Variants in ZNF521 observed in about 807,000 individuals in gnomAD.
ZNF521 encodes the protein LYST-interacting protein 3.
A neutral mutation model predicts 105.5 loss-of-function variants in ZNF521; 14 were observed. That is an observed-to-expected ratio of 0.13 (90% CI 0.09 to 0.21). The LOEUF (loss-of-function observed/expected upper bound fraction) is 0.21. ZNF521 is among the 10% of genes least tolerant of loss of function. ZNF521 has a pLI of 1.00. For synonymous variants in ZNF521, 635 were observed against 606.0 expected (o/e 1.05, Z -0.70); for missense variants, 1,233 against 1,629.7 (o/e 0.76, Z 4.19).
intron 5 of ZNF521, among the ~76,000 whole-genome samples, chr18:25,099,335 G>T (rs2033918198): frequency 6.6e-6 from 1 of 152,124 alleles, no homozygotes; most frequent in Admixed American, 6.6e-5. Flanking sequence ...TAAACCCTGT[G>T]CATATAACAT....
rs1021240858 is a variant in ZNF521 at position 25,227,194 on chromosome 18, T to A, written c.724A>T (p.Met242Leu). The change falls in exon 4 of 8, where the codon ATG becomes TTG. Residue 242 changes from methionine (M) to leucine (L), a missense_variant. Met to Leu is a conservative substitution (Grantham distance 15). Around this residue, in one of 6 missense-constraint regions of ZNF521, gnomAD observed 380 missense variants for 478.0 expected, o/e 0.80. Coordinates refer to ENST00000361524, the MANE Select transcript of ZNF521 (RefSeq NM_015461.3). This position sits in a 1 kb window ranked among gnomAD's most constrained non-coding sequence, Gnocchi z 5.7. ...TGACTGCACTTCTGAGTGTCCTTCA[T>A]CTTCCAGTCCTCCATCCTGGAACCG... ...QSGSRMEDWK[M>L]KDTQKCSQCE... is the part of the protein sequence containing the mutation. 4 of 1,614,046 alleles carry A rather than the reference T, an allele frequency of 2.5e-6. No individual in the cohort carries two copies.
chr18:25,218,048 A>G (rs900735824), intron 4 of ZNF521, among the ~76,000 whole-genome samples: 2 of 152,184 alleles, frequency 1.3e-5, no homozygotes, highest in Admixed American at 1.3e-4. Flanking sequence ...AGTGCTTCCA[A>G]TTATAGAACA....
At chr18:25,242,856 A>G (rs1160530682) in intron 3 of ZNF521, among the ~76,000 whole-genome samples, 1 of 152,188 alleles carries the variant, frequency 6.6e-6, no homozygotes, top group Admixed American at 6.5e-5. Context: ...GGCTACAACT[A>G]AAAGGGGACA....
intron 3 of ZNF521, among the ~76,000 whole-genome samples, chr18:25,266,213 A>G (rs1909241296): frequency 6.6e-6 from 1 of 152,226 alleles, no homozygotes. Context: ...TTGCAACTCA[A>G]TGAATAAATG....
intron 5 of ZNF521, among the ~76,000 whole-genome samples, chr18:25,151,754 T>C (rs1411230482): frequency 1.3e-5 from 2 of 152,162 alleles, no homozygotes; most frequent in African/African-American, 4.8e-5. Context: ...AGTGAGAAAC[T>C]CACAGCTCTC....
chr18:25,235,124 C>T (rs1193656479), intron 3 of ZNF521, among the ~76,000 whole-genome samples: 16 of 152,096 alleles, frequency 1.1e-4, no homozygotes. Context: ...TTGTAAAGTC[C>T]ACACAACGAA....
chr18:25,147,481 C>T (rs1474922695), intron 5 of ZNF521, among the ~76,000 whole-genome samples: 2 of 152,124 alleles, frequency 1.3e-5, no homozygotes, highest in Admixed American at 6.6e-5. Flanking sequence ...CAGATTTCCA[C>T]GTTATTAGAA....
chr18:25,268,922 C>T (rs1206727815), intron 3 of ZNF521, among the ~76,000 whole-genome samples: 1 of 152,080 alleles, frequency 6.6e-6, no homozygotes, highest in East Asian at 1.9e-4. Flanking sequence ...CAAATTCACA[C>T]ATAACAATAT....
At chr18:25,206,885 T>G (rs2036090110) in intron 4 of ZNF521, among the ~76,000 whole-genome samples, 1 of 152,182 alleles carries the variant, frequency 6.6e-6, no homozygotes, top group Admixed American at 6.5e-5. Flanking sequence ...TCCTGTTGTT[T>G]GTACTCTTAG....
At chr18:25,088,868 G>T (rs1442492037) in intron 7 of ZNF521, among the ~76,000 whole-genome samples, 1 of 152,064 alleles carries the variant, frequency 6.6e-6, no homozygotes, top group Admixed American at 6.6e-5. Context: ...CTTCATATCT[G>T]AGGTTCAGAG....
At chr18:25,305,710 T>A (rs1911938096) in intron 3 of ZNF521, among the ~76,000 whole-genome samples, 2 of 152,218 alleles carry the variant, frequency 1.3e-5, no homozygotes, top group African/African-American at 4.8e-5. Context: ...GGAAGAATTT[T>A]AAGATGGAAT....
intron 2 of ZNF521, among the ~76,000 whole-genome samples, chr18:25,325,519 T>C (rs930173386): frequency 1.3e-5 from 2 of 152,174 alleles, no homozygotes; most frequent in Non-Finnish European, 2.9e-5. Flanking sequence ...TCCAACTCCA[T>C]TGTTGTGCTA....
intron 5 of ZNF521, among the ~76,000 whole-genome samples, chr18:25,161,382 TG>T (rs2035248648): frequency 2.0e-5 from 3 of 152,082 alleles, no homozygotes; most frequent in Non-Finnish European, 4.4e-5. Flanking sequence ...ACAGCTGCTG[TG>T]GGGGTCCAGA....
rs141117317 is a variant in ZNF521, at chr18:25,315,365, G to A, written c.220+6643C>T. Among the ~76,000 whole-genome samples the A allele has an allele frequency of 2.6e-3, 399 of 152,312 alleles. 1 individual carries two copies. The highest frequency in any genetic ancestry group is 0.017 in the Middle Eastern group (5 of 294). On this transcript the variant is annotated intron_variant, in intron 3 of 7. Coordinates refer to ENST00000361524, the MANE Select transcript of ZNF521 (RefSeq NM_015461.3). ...TATACATGTTGGACTGTAGACTCCAGGAAAATTGCACCATGAGACAAAGGA... is the reference window on the plus strand; with the variant it reads ...TATACATGTTGGACTGTAGACTCCAAGAAAATTGCACCATGAGACAAAGGA...
chr18:25,229,525 C>G (rs892628224), intron 3 of ZNF521, among the ~76,000 whole-genome samples: 1 of 146,848 alleles, frequency 6.8e-6, no homozygotes, highest in African/African-American at 2.6e-5. Flanking sequence ...ACTCAACTCA[C>G]CACTCAACAT....
intron 5 of ZNF521, among the ~76,000 whole-genome samples, chr18:25,179,247 G>T (rs1409586100): frequency 7.0e-6 from 1 of 142,382 alleles, no homozygotes; most frequent in Non-Finnish European, 1.5e-5. Flanking sequence ...TCTGCCTCCC[G>T]GGTTCAAGCA....
intron 5 of ZNF521, among the ~76,000 whole-genome samples, chr18:25,179,116 CTTTTTTTTTTTTTTTTTTTTTTTTTTT>C (rs1175859497): frequency 6.1e-4 from 32 of 52,440 alleles, no homozygotes; most frequent in African/African-American, 9.6e-4. Flanking sequence ...TTCTTTATTC[CTTTTTTTTTTTTTTTTTTTTTTTTTTT>C]TTTTTTTTTT....
At chr18:25,155,188 G>A (rs1299053817) in intron 5 of ZNF521, among the ~76,000 whole-genome samples, 1 of 151,922 alleles carries the variant, frequency 6.6e-6, no homozygotes, top group Non-Finnish European at 1.5e-5. Context: ...TATCATATTT[G>A]GGGAAGTTTA....
chr18:25,328,402 AACACACACAC>A (rs57967888), intron 2 of ZNF521, among the ~76,000 whole-genome samples: 1,760 of 141,742 alleles, frequency 0.012, 16 homozygotes, highest in African/African-American at 0.019. Flanking sequence ...GGGGAGGTTA[AACACACACAC>A]ACACACACAC....
Sources: allele counts gnomAD v4.1 joint callset (sites outside exome capture counted in the v4.1 genomes callset), GRCh38; gene constraint gnomAD v4.1.1; regional missense constraint gnomAD v4.1.1; non-coding constraint Gnocchi (gnomAD v3.1); transcripts MANE v1.5; gene names NCBI Gene and HGNC (gene_info 2026-07-23, HGNC 2026-07-21).